CYRIB: variants seen among roughly 807,000 people sequenced by gnomAD.
CYRIB encodes CYFIP related Rac1 interactor B, also known as CYFIP-related Rac1 interactor B.
Under a neutral mutation model 44.2 loss-of-function variants are expected in CYRIB, and 8 were observed. That is an observed-to-expected ratio of 0.18 (90% CI 0.11 to 0.33). The LOEUF (loss-of-function observed/expected upper bound fraction) is 0.33. CYRIB is among the 10% of genes least tolerant of loss of function. The pLI is 1.00. For missense variants in CYRIB, 185 were observed against 382.8 expected (o/e 0.48, Z 4.31); for synonymous variants, 131 against 127.2 (o/e 1.03, Z -0.20).
At chr8:129,935,403 C>T (rs139903411) in intron 1 of CYRIB, among the ~76,000 whole-genome samples, 307 of 152,306 alleles carry the variant, frequency 2.0e-3, no homozygotes, top group African/African-American at 6.7e-3. Flanking sequence ...CCTCAGATCA[C>T]CAAGCGTTAG....
chr8:129,894,636 G>A (rs2067001424), intron 2 of CYRIB: 1 of 152,174 alleles, frequency 6.6e-6, no homozygotes. Context: ...TGTAGGAGCA[G>A]TGTGAATAGT....
At chr8:129,919,069 C>T (rs150806509) in intron 1 of CYRIB, among the ~76,000 whole-genome samples, 6 of 152,176 alleles carry the variant, frequency 3.9e-5, no homozygotes, top group African/African-American at 7.2e-5. Flanking sequence ...GTTTTTGCCA[C>T]GTTGGCCAGG....
chr8:129,963,524 G>A (rs530939145), intron 2 of CYRIB, among the ~76,000 whole-genome samples: 1 of 152,292 alleles, frequency 6.6e-6, no homozygotes, highest in Admixed American at 6.5e-5. Context: ...TGCAATATGA[G>A]CACAGCAAAG....
At chr8:129,867,094 G>A (rs1197734041) in intron 4 of CYRIB, among the ~76,000 whole-genome samples, 2 of 152,188 alleles carry the variant, frequency 1.3e-5, no homozygotes, top group Non-Finnish European at 2.9e-5. Flanking sequence ...TTCAAGACCA[G>A]TCTCGGCAAC....
intron 2 of CYRIB, among the ~76,000 whole-genome samples, chr8:129,895,691 G>T (rs891010728): frequency 1.7e-4 from 26 of 152,070 alleles, no homozygotes; most frequent in African/African-American, 6.0e-4. Context: ...TGCTTGGTTG[G>T]TTATTTATTT....
chr8:130,011,285 C>T (rs1479765744), intron 1 of CYRIB, among the ~76,000 whole-genome samples: 1 of 152,146 alleles, frequency 6.6e-6, no homozygotes, highest in African/African-American at 2.4e-5. Context: ...CATTGGGAGG[C>T]TGAGGTGGGT....
intron 1 of CYRIB, among the ~76,000 whole-genome samples, chr8:129,913,134 G>A (rs909719790): frequency 6.6e-6 from 1 of 151,898 alleles, no homozygotes; most frequent in African/African-American, 2.4e-5. Context: ...ACCACGCCCG[G>A]CTAATTTTTT....
intron 1 of CYRIB, among the ~76,000 whole-genome samples, chr8:129,983,338 G>C (rs1005143912): frequency 4.6e-5 from 7 of 152,078 alleles, no homozygotes; most frequent in South Asian, 2.1e-4. Flanking sequence ...CCAGCTACTC[G>C]GGAGGCTGAG....
intron 3 of CYRIB, among the ~76,000 whole-genome samples, chr8:129,878,134 C>T (rs975173594): frequency 7.2e-5 from 11 of 152,078 alleles, no homozygotes; most frequent in Admixed American, 2.0e-4. Flanking sequence ...CAGTATTTCC[C>T]CTAAAAACCC....
chr8:130,016,890 A>G (rs1172282134), upstream of CYRIB: 1 of 152,038 alleles, frequency 6.6e-6, no homozygotes, highest in African/African-American at 2.4e-5. Context: ...CGAGGAGGAA[A>G]CCCGGCTCCG....
chr8:129,930,386 T>TATA (rs1338007307), intron 1 of CYRIB, among the ~76,000 whole-genome samples: 94 of 130,688 alleles, frequency 7.2e-4, no homozygotes, highest in Non-Finnish European at 8.9e-4. Flanking sequence ...TATATTTTAA[T>TATA]TATTTAAATC....
chr8:129,980,737 T>C (rs1009783981), intron 1 of CYRIB, among the ~76,000 whole-genome samples: 1 of 151,426 alleles, frequency 6.6e-6, no homozygotes, highest in Non-Finnish European at 1.5e-5. Context: ...ACCCCAGCAC[T>C]TTGGGAGGCC....
intron 1 of CYRIB, among the ~76,000 whole-genome samples, chr8:130,001,373 A>C (rs1268087043): frequency 6.6e-6 from 1 of 152,012 alleles, no homozygotes; most frequent in African/African-American, 2.4e-5. Flanking sequence ...AAGGTCACTC[A>C]CCTTCCATTG....
intron 2 of CYRIB, among the ~76,000 whole-genome samples, chr8:129,894,889 CTT>C (rs1207715964): frequency 6.6e-6 from 1 of 150,738 alleles, no homozygotes; most frequent in Non-Finnish European, 1.5e-5. Flanking sequence ...TCATACCACT[CTT>C]TTTTCAAACT....
intron 1 of CYRIB, among the ~76,000 whole-genome samples, chr8:129,907,744 G>A (rs1183195028): frequency 6.6e-6 from 1 of 152,202 alleles, no homozygotes; most frequent in Non-Finnish European, 1.5e-5. Flanking sequence ...GCTCACGCCT[G>A]TAAGCCCAGC....
chr8:129,846,960 A>G (rs1459149591), intron 10 of CYRIB, 86 bp from the exon 13 acceptor site: 3 of 735,542 alleles, frequency 4.1e-6, no homozygotes, highest in East Asian at 2.8e-5. Flanking sequence ...AATCAAGACC[A>G]TAACTATGGA....
At chr8:129,871,299 G>T in intron 4 of CYRIB, 76 bp downstream of exon 6, 1 of 1,480,828 alleles carries the variant, frequency 6.8e-7, no homozygotes, top group African/African-American at 1.4e-5. Context: ...GAATTCTGAA[G>T]TCTAGAAAAC....
At chr8:129,918,355 T>C (rs1226820388) in intron 1 of CYRIB, among the ~76,000 whole-genome samples, 5 of 152,202 alleles carry the variant, frequency 3.3e-5, no homozygotes, top group Non-Finnish European at 7.3e-5. Context: ...ATCCCATGGC[T>C]TTTTGTTCTA....
chr8:129,876,606 TA>T (rs1372947260), intron 3 of CYRIB, among the ~76,000 whole-genome samples: 2 of 152,222 alleles, frequency 1.3e-5, no homozygotes, highest in African/African-American at 4.8e-5. Flanking sequence ...CTTAATTTTG[TA>T]AACTACAAGA....
Sources: gnomAD v4.1 joint callset for allele counts (sites outside exome capture counted in the v4.1 genomes callset) on GRCh38, gnomAD v4.1.1 for gene constraint, MANE v1.5 for transcripts, NCBI Gene and HGNC (gene_info 2026-07-23, HGNC 2026-07-21) for gene names.